Variants in CLVS1 observed in about 807,000 individuals in gnomAD.
CLVS1 encodes the protein clavesin-1.
In CLVS1, 10 loss-of-function variants were observed where a neutral mutation model predicts 33.1. The observed-to-expected ratio is 0.30, with a 90% CI of 0.19 to 0.51. CLVS1 has a LOEUF of 0.51. CLVS1 is among the 20% of genes least tolerant of loss of function. The pLI is 0.97. For missense variants in CLVS1, 343 were observed against 433.4 expected (o/e 0.79, Z 1.85); for synonymous variants, 163 against 166.1 (o/e 0.98, Z 0.14).
At chr8:61,176,392 C>T (rs779905594) in intron 2 of CLVS1, among the ~76,000 whole-genome samples, 1 of 152,180 alleles carries the variant, frequency 6.6e-6, no homozygotes, top group Non-Finnish European at 1.5e-5. Flanking sequence ...CCAAGATTGA[C>T]AAGGCCCACC....
intron 2 of CLVS1, among the ~76,000 whole-genome samples, chr8:61,167,968 C>A (rs149917980): frequency 2.0e-5 from 3 of 152,178 alleles, no homozygotes; most frequent in African/African-American, 7.2e-5. Flanking sequence ...AGGCAACCAG[C>A]GGCCCCCAGG....
intron 5 of CLVS1, among the ~76,000 whole-genome samples, chr8:61,492,743 T>C (rs947898850): frequency 1.3e-5 from 2 of 152,218 alleles, no homozygotes; most frequent in African/African-American, 4.8e-5. Context: ...TGGAAAATTT[T>C]ATTGTCAAAG....
intron 1 of CLVS1, among the ~76,000 whole-genome samples, chr8:61,095,813 T>C (rs1772450204): frequency 6.6e-6 from 1 of 152,230 alleles, no homozygotes; most frequent in Admixed American, 6.5e-5. Flanking sequence ...AGATATCTTT[T>C]TTTATGTAGT....
intron 1 of CLVS1, among the ~76,000 whole-genome samples, chr8:61,111,930 T>C (rs1805634473): frequency 6.6e-6 from 1 of 152,228 alleles, no homozygotes; most frequent in African/African-American, 2.4e-5. Flanking sequence ...TTCACAGTCT[T>C]CTTTTAATAA....
intron 1 of CLVS1, among the ~76,000 whole-genome samples, chr8:61,125,798 G>A (rs1235033613): frequency 6.6e-6 from 1 of 152,112 alleles, no homozygotes; most frequent in Non-Finnish European, 1.5e-5. Context: ...GAGATTAATA[G>A]GACGGCATAG....
intron 2 of CLVS1, among the ~76,000 whole-genome samples, chr8:61,362,074 C>T (rs1003319039): frequency 1.3e-5 from 2 of 152,162 alleles, no homozygotes. Flanking sequence ...ATTGGCTTAG[C>T]AGAGTTCTTT....
intron 2 of CLVS1, among the ~76,000 whole-genome samples, chr8:61,233,312 C>T (rs570818323): frequency 4.1e-4 from 62 of 152,172 alleles, no homozygotes; most frequent in Non-Finnish European, 6.2e-4. Flanking sequence ...GTGAGGACCT[C>T]GGAATTGGAG....
intron 2 of CLVS1, among the ~76,000 whole-genome samples, chr8:61,153,560 A>G (rs1806586435): frequency 6.6e-6 from 1 of 152,212 alleles, no homozygotes; most frequent in Non-Finnish European, 1.5e-5. Flanking sequence ...GCAGGAAAAT[A>G]AAATCCTCCA....
intron 3 of CLVS1, among the ~76,000 whole-genome samples, chr8:61,398,181 CTT>C (rs545959573): frequency 7.0e-4 from 88 of 125,892 alleles, no homozygotes; most frequent in African/African-American, 2.1e-3. Context: ...ATAAGCTTTA[CTT>C]TTTTTTTTTT....
chr8:61,377,379 T>C (rs991106576), intron 3 of CLVS1: 8 of 152,362 alleles, frequency 5.3e-5, no homozygotes, highest in African/African-American at 1.4e-4. Flanking sequence ...CTATGAGAAG[T>C]AACTCAGAAA....
At chr8:61,436,609 G>T (rs1816339176) in intron 3 of CLVS1, among the ~76,000 whole-genome samples, 1 of 152,110 alleles carries the variant, frequency 6.6e-6, no homozygotes, top group Admixed American at 6.6e-5. Context: ...TCTTCCATTA[G>T]TCACCACCCC....
intron 2 of CLVS1, among the ~76,000 whole-genome samples, chr8:61,206,949 T>G (rs916422094): frequency 9.2e-5 from 14 of 152,176 alleles, no homozygotes; most frequent in Admixed American, 1.3e-4. Flanking sequence ...AGGTCAATGA[T>G]GGAACAGCTG....
At chr8:61,063,234 G>A (rs916321317) in intron 1 of CLVS1, among the ~76,000 whole-genome samples, 3 of 140,854 alleles carry the variant, frequency 2.1e-5, no homozygotes, top group African/African-American at 7.9e-5. Context: ...CCATGATAAT[G>A]ATCTACACAG....
At chr8:61,456,734 G>A (rs1169860343) in intron 4 of CLVS1, among the ~76,000 whole-genome samples, 1 of 151,830 alleles carries the variant, frequency 6.6e-6, no homozygotes. Flanking sequence ...GGCTATCACG[G>A]TGAAACCCCG....
At chr8:61,453,033 G>A (rs1345657118) in intron 3 of CLVS1, among the ~76,000 whole-genome samples, 1 of 151,824 alleles carries the variant, frequency 6.6e-6, no homozygotes, top group Non-Finnish European at 1.5e-5. Flanking sequence ...GCTCGCTGCT[G>A]AACCATTTCC....
the CLVS1 span, among the ~76,000 whole-genome samples, chr8:61,026,043 A>T: frequency 1.7e-5 from 2 of 118,938 alleles, no homozygotes; most frequent in Non-Finnish European, 3.5e-5. Context: ...TCCCCCTGCT[A>T]CCCCTCCAAT....
the CLVS1 span, among the ~76,000 whole-genome samples, chr8:61,018,651 G>T: frequency 1.5e-4 from 23 of 152,342 alleles, no homozygotes; most frequent in African/African-American, 5.1e-4. Context: ...TTGATTGTAC[G>T]TTTTCTGGAG....
chr8:61,444,119 G>A (rs1409965291), intron 3 of CLVS1, among the ~76,000 whole-genome samples: 2 of 152,036 alleles, frequency 1.3e-5, no homozygotes, highest in African/African-American at 4.8e-5. Flanking sequence ...TATAGGAAAG[G>A]TACTTTTATA....
intron 3 of CLVS1, chr8:61,378,190 T>C (rs1813723363): frequency 6.6e-6 from 1 of 152,240 alleles, no homozygotes; most frequent in Non-Finnish European, 1.5e-5. Flanking sequence ...CTTACCTTTT[T>C]TAAAAAAGAT....
Sources: gnomAD v4.1 joint callset for allele counts (sites outside exome capture counted in the v4.1 genomes callset) on GRCh38, gnomAD v4.1.1 for gene constraint, MANE v1.5 for transcripts, NCBI Gene and HGNC (gene_info 2026-07-23, HGNC 2026-07-21) for gene names.